CSNK1G2: variants seen among roughly 807,000 people sequenced by gnomAD.
The protein encoded by CSNK1G2 is casein kinase I isoform gamma-2.
Under a neutral mutation model 48.0 loss-of-function variants are expected in CSNK1G2, and 11 were observed. That is an observed-to-expected ratio of 0.23 (90% CI 0.14 to 0.38). The LOEUF (loss-of-function observed/expected upper bound fraction) is 0.38. Among genes scored for constraint, CSNK1G2 ranks in the 10% least tolerant of loss-of-function variants. The pLI, the probability that CSNK1G2 is intolerant of heterozygous loss-of-function variation, is 1.00. For synonymous variants in CSNK1G2, 337 were observed against 254.1 expected, an observed-to-expected ratio of 1.33 and a Z score of -3.10; for missense variants, 446 against 595.5, an observed-to-expected ratio of 0.75 and a Z score of 2.61.
At chr19:1,968,443 G>A (rs564327508) in intron 1 of CSNK1G2, among the ~76,000 whole-genome samples, 1 of 152,296 alleles carries the variant, frequency 6.6e-6, no homozygotes, top group East Asian at 1.9e-4. Flanking sequence ...GCTGAGACTG[G>A]GCTCCATGCC....
At chr19:1,949,571 G>A (rs916567316) in intron 1 of CSNK1G2, among the ~76,000 whole-genome samples, 1 of 152,250 alleles carries the variant, frequency 6.6e-6, no homozygotes, top group African/African-American at 2.4e-5. Flanking sequence ...GCGTGTGGCT[G>A]CTGCGAGCAC....
At chr19:1,953,973 CGTG>C (rs751153289) in intron 1 of CSNK1G2, 28 of 533,814 alleles carry the variant, frequency 5.2e-5, no homozygotes, top group South Asian at 3.4e-4. Context: ...GGGGCCTTCT[CGTG>C]GTGATGACAG....
chr19:1,954,985 T>C (rs1230050071), intron 1 of CSNK1G2, among the ~76,000 whole-genome samples: 1 of 152,132 alleles, frequency 6.6e-6, no homozygotes, highest in Non-Finnish European at 1.5e-5. Context: ...CCCCCAGGCC[T>C]GCGTGGGCAC....
rs372660994 is a variant in CSNK1G2, at chr19:1,979,737, C to T, written c.1003-15C>T. The stretch of plus-strand genomic sequence containing the variant: ...GCGCTGCAGCCCATCCTGACCCCTG[C>T]TCCCTCACCCACAGCCGACCCCCAT... On this transcript the variant is annotated splice_polypyrimidine_tract_variant and intron_variant, in intron 9 of 11. Coordinates refer to ENST00000255641, the MANE Select transcript of CSNK1G2 (RefSeq NM_001319.7). The T allele has an allele frequency of 1.2e-5, 20 of 1,604,828 alleles. No individual in the cohort carries two copies. Among genetic ancestry groups the T allele is most frequent in the Non-Finnish European group, 1.6e-5 (19 of 1,179,568 alleles).
intron 2 of CSNK1G2, among the ~76,000 whole-genome samples, chr19:1,971,927 A>G (rs963533464): frequency 2.6e-5 from 4 of 151,400 alleles, no homozygotes; most frequent in African/African-American, 9.7e-5. Flanking sequence ...CCGCCACCAC[A>G]CCCGGCTAAT....
At chr19:1,976,520 A>G (rs1373096579) in intron 2 of CSNK1G2, among the ~76,000 whole-genome samples, 1 of 152,258 alleles carries the variant, frequency 6.6e-6, no homozygotes. Context: ...CTGTGCTGCA[A>G]GGCACGCCCA....
chr19:1,948,133 G>A (rs1289864168), intron 1 of CSNK1G2, among the ~76,000 whole-genome samples: 1 of 152,126 alleles, frequency 6.6e-6, no homozygotes, highest in Non-Finnish European at 1.5e-5. Context: ...TCCTGCACCG[G>A]AGGGAGCCAT....
intron 1 of CSNK1G2, among the ~76,000 whole-genome samples, chr19:1,958,102 C>T (rs746462447): frequency 3.9e-5 from 6 of 152,076 alleles, no homozygotes; most frequent in South Asian, 2.1e-4. Context: ...GGGCCCCTCC[C>T]GAGCAGGTCT....
chr19:1,966,198 T>G (rs914961843), intron 1 of CSNK1G2, among the ~76,000 whole-genome samples: 1 of 152,158 alleles, frequency 6.6e-6, no homozygotes, highest in African/African-American at 2.4e-5. Context: ...TTGGGTAAAT[T>G]GAAACCCCCG....
chr19:1,941,848 C>T (rs1370192873), intron 1 of CSNK1G2, among the ~76,000 whole-genome samples: 10 of 146,816 alleles, frequency 6.8e-5, no homozygotes, highest in Non-Finnish European at 1.4e-4. Context: ...AGCCTTTAGT[C>T]CCCACCCCAC....
At chr19:1,948,245 C>T (rs1366021202) in intron 1 of CSNK1G2, among the ~76,000 whole-genome samples, 5 of 152,170 alleles carry the variant, frequency 3.3e-5, no homozygotes, top group Admixed American at 2.0e-4. Context: ...CGATCCCGGC[C>T]GGGCGTGGTG....
chr19:1,977,092 G>C (rs189702751), intron 2 of CSNK1G2, among the ~76,000 whole-genome samples: 1 of 152,342 alleles, frequency 6.6e-6, no homozygotes, highest in East Asian at 1.9e-4. Flanking sequence ...GCTGACTGCA[G>C]ACCCAACACG....
In CSNK1G2 at chr19:1,979,059, G is replaced by A. The variant is rs370181224; in HGVS notation, c.648G>A (p.Ala216=). The A allele has an allele frequency of 3.1e-6, 5 of 1,597,596 alleles. No homozygotes were observed. Among genetic ancestry groups the A allele is most frequent in the Non-Finnish European group, 4.2e-6 (5 of 1,178,976 alleles). The part of the protein sequence containing the change: ...YREHKSLTGT[A]RYMSINTHLG... ...AGCACAAGAGCCTGACGGGCACGGC[G>A]CGCTACATGAGCATCAACACGCACC... Residue 216 remains alanine (A), a synonymous_variant, in exon 6 of 12, where the codon GCG becomes GCA. Coordinates refer to ENST00000255641, the MANE Select transcript of CSNK1G2 (RefSeq NM_001319.7).
intron 2 of CSNK1G2, chr19:1,975,797 AGGC>A: frequency 1.0e-6 from 1 of 982,424 alleles, no homozygotes; most frequent in Non-Finnish European, 1.2e-6. Context: ...ACACTTTGGG[AGGC>A]TGATGTGGGC....
chr19:1,961,103 C>T (rs2015184147), intron 1 of CSNK1G2, among the ~76,000 whole-genome samples: 1 of 152,264 alleles, frequency 6.6e-6, no homozygotes, highest in Admixed American at 6.5e-5. Flanking sequence ...GGAAGTCCCC[C>T]TGTCCGTCCC....
At position 1,978,311 on chromosome 19, in the gene CSNK1G2, A is replaced by C. The variant is rs750009920; in HGVS notation, c.194A>C (p.Asn65Thr). The C allele has an allele frequency of 6.2e-7, 1 of 1,613,500 alleles. No individual in the cohort carries two copies. Reference sequence around the variant, plus strand: ...ATGGTCTCTGTCCCCGCAGGAAAGAATCTCTATACAAATGAATACGTGGCT... The same window carrying C: ...ATGGTCTCTGTCCCCGCAGGAAAGACTCTCTATACAAATGAATACGTGGCT... The part of the protein sequence containing the change: ...GNFGELRLGK[N>T]LYTNEYVAIK... Residue 65 changes from asparagine (N) to threonine (T), a missense_variant, in exon 3 of 12, where the codon AAT becomes ACT. By Grantham distance (65) the Asn-to-Thr change is moderately conservative. Transcript: ENST00000255641. This position sits in a 1 kb window ranked among gnomAD's most constrained non-coding sequence, Gnocchi z 7.3.
At chr19:1,953,960 G>C in intron 1 of CSNK1G2, 1 of 533,802 alleles carries the variant, frequency 1.9e-6, no homozygotes, top group Non-Finnish European at 3.8e-6. Flanking sequence ...TTCTGCCATG[G>C]ACGGGGCCTT....
intron 1 of CSNK1G2, chr19:1,953,534 T>C (rs750133249): frequency 3.8e-6 from 2 of 525,850 alleles, no homozygotes; most frequent in South Asian, 2.8e-5. Context: ...TGCCCCTATG[T>C]GGACTAGTTG....
intron 1 of CSNK1G2, chr19:1,953,248 AC>A (rs2014844899): frequency 2.6e-6 from 1 of 381,110 alleles, no homozygotes; most frequent in Admixed American, 3.4e-5. Flanking sequence ...GGGACCGGGG[AC>A]CCCTGCCCCC....
Sources: allele counts gnomAD v4.1 joint callset (sites outside exome capture counted in the v4.1 genomes callset), GRCh38; gene constraint gnomAD v4.1.1; non-coding constraint Gnocchi (gnomAD v3.1); transcripts MANE v1.5; gene names NCBI Gene and HGNC (gene_info 2026-07-23, HGNC 2026-07-21).